The following RIMS2 variants were observed in gnomAD, a reference collection of about 807,000 sequenced individuals.
RIMS2 encodes the protein regulating synaptic membrane exocytosis protein 2.
RIMS2 carries 59 observed loss-of-function variants against 174.4 expected under a neutral mutation model. The observed-to-expected ratio is 0.34, with a 90% confidence interval of 0.27 to 0.42. The LOEUF (loss-of-function observed/expected upper bound fraction) is 0.42. Ranked by LOEUF, RIMS2 falls within the 10% of genes least tolerant of loss-of-function variation. RIMS2 has a pLI of 1.00. For missense variants in RIMS2, 1,620 were observed against 1,666.3 expected (o/e 0.97, Z 0.48); for synonymous variants, 606 against 572.5 (o/e 1.06, Z -0.84).
At chr8:103,787,301 T>C (rs1373998291) in intron 3 of RIMS2, among the ~76,000 whole-genome samples, 1 of 152,120 alleles carries the variant, frequency 6.6e-6, no homozygotes, top group East Asian at 1.9e-4. Flanking sequence ...TGTGTGAATC[T>C]GATCTTGTCG....
intron 1 of RIMS2, among the ~76,000 whole-genome samples, chr8:103,512,293 C>G (rs953781802): frequency 6.6e-6 from 1 of 152,174 alleles, no homozygotes. Flanking sequence ...AGTCCAGATT[C>G]ACTATCACAA....
intron 10 of RIMS2, among the ~76,000 whole-genome samples, chr8:103,924,700 T>G (rs1342578977): frequency 6.6e-6 from 1 of 151,684 alleles, no homozygotes; most frequent in Non-Finnish European, 1.5e-5. Context: ...TTCTGTCAGT[T>G]CATGTCTCAA....
chr8:103,698,210 C>T (rs900857317), intron 2 of RIMS2, among the ~76,000 whole-genome samples: 4 of 152,114 alleles, frequency 2.6e-5, no homozygotes, highest in Non-Finnish European at 5.9e-5. Context: ...ATAATTGTTT[C>T]CCCTGGATTA....
At chr8:103,964,873 A>G (rs1281216558) in intron 15 of RIMS2, among the ~76,000 whole-genome samples, 2 of 148,160 alleles carry the variant, frequency 1.3e-5, no homozygotes, top group Admixed American at 6.6e-5. Flanking sequence ...TTGCATGTGG[A>G]CATCCAATTG....
chr8:104,001,990 A>C, intron 17 of RIMS2, among the ~76,000 whole-genome samples: 1 of 152,018 alleles, frequency 6.6e-6, no homozygotes, highest in East Asian at 1.9e-4. Context: ...GAGTAATGTC[A>C]GCATTTACCT....
intron 2 of RIMS2, among the ~76,000 whole-genome samples, chr8:103,748,519 C>A (rs2097848487): frequency 6.6e-6 from 1 of 152,012 alleles, no homozygotes; most frequent in Non-Finnish European, 1.5e-5. Flanking sequence ...AGCTTTATAC[C>A]CTCAACTTTT....
chr8:103,530,013 T>G (rs1563659299), intron 1 of RIMS2, among the ~76,000 whole-genome samples: 2 of 152,084 alleles, frequency 1.3e-5, no homozygotes, highest in Non-Finnish European at 2.9e-5. Flanking sequence ...GAGAAAGGAA[T>G]GAGGAAAGAT....
At chr8:103,586,478 C>A (rs1270883211) in intron 1 of RIMS2, among the ~76,000 whole-genome samples, 1 of 151,996 alleles carries the variant, frequency 6.6e-6, no homozygotes, top group East Asian at 1.9e-4. Context: ...GGAAATTAAA[C>A]AATGTGCTTT....
chr8:103,771,611 A>AT (rs1181983481), intron 3 of RIMS2, among the ~76,000 whole-genome samples: 1 of 151,928 alleles, frequency 6.6e-6, no homozygotes, highest in Admixed American at 6.6e-5. Flanking sequence ...CTAGATGTTT[A>AT]TTTTTTTCTC....
intron 3 of RIMS2, among the ~76,000 whole-genome samples, chr8:103,825,840 A>T (rs1390838688): frequency 6.6e-6 from 1 of 152,124 alleles, no homozygotes; most frequent in Non-Finnish European, 1.5e-5. Context: ...ACTTATCTAC[A>T]GTTTTTAAGT....
intron 19 of RIMS2, among the ~76,000 whole-genome samples, chr8:104,121,596 A>G (rs1481091992): frequency 6.6e-6 from 1 of 152,240 alleles, no homozygotes; most frequent in African/African-American, 2.4e-5. Flanking sequence ...AGGTTTTGGT[A>G]TTTGATTGAG....
intron 3 of RIMS2, among the ~76,000 whole-genome samples, chr8:103,868,072 AGACATCTTTTGTAGTGCTAGG>A (rs2099092090): frequency 1.3e-5 from 2 of 152,042 alleles, no homozygotes; most frequent in Admixed American, 6.6e-5. Flanking sequence ...AACATTTATT[AGACATCTTTTGTAGTGCTAGG>A]GATAATTTTC....
chr8:103,886,226 A>C lies in RIMS2; in HGVS notation c.1624+3A>C. The C allele has an allele frequency of 6.2e-7, 1 of 1,601,012 alleles. No homozygotes were observed. Among genetic ancestry groups the C allele is most frequent in the Non-Finnish European group, 8.5e-7 (1 of 1,174,220 alleles). On this transcript the variant is annotated splice_donor_region_variant and intron_variant, in intron 4 of 23. Transcript: ENST00000504942. Reference sequence around the variant, plus strand: ...AAGTGAGAGTGTAAGTGAAAAAGGTAAGCTTTCTAATCATACATTTTGCTG... The same window carrying C: ...AAGTGAGAGTGTAAGTGAAAAAGGTCAGCTTTCTAATCATACATTTTGCTG...
chr8:103,953,444 A>G (rs1175014487), intron 14 of RIMS2, among the ~76,000 whole-genome samples: 6 of 152,232 alleles, frequency 3.9e-5, no homozygotes, highest in Admixed American at 3.3e-4. Flanking sequence ...GGGGGCCAAT[A>G]TTCAACATTC....
intron 19 of RIMS2, among the ~76,000 whole-genome samples, chr8:104,148,353 T>A (rs1262285029): frequency 6.6e-6 from 1 of 152,152 alleles, no homozygotes; most frequent in Non-Finnish European, 1.5e-5. Flanking sequence ...TTTTTTCCTG[T>A]GATCATGCAA....
At chr8:103,607,513 C>T (rs919242169) in intron 1 of RIMS2, among the ~76,000 whole-genome samples, 5 of 150,332 alleles carry the variant, frequency 3.3e-5, no homozygotes, top group African/African-American at 9.9e-5. Flanking sequence ...ATCTTTGTGT[C>T]GTTCTCTGTT....
chr8:103,766,399 C>T lies in RIMS2; in HGVS notation c.560C>T (p.Thr187Ile), dbSNP rs61729653. 1,241 of 1,613,780 alleles carry T rather than the reference C, an allele frequency of 7.7e-4. 7 individuals are homozygous for T. The African/African-American group carries it at 0.015, about 20-fold the overall frequency. ...AAGAAACCAAAACTACATGAGCAGA[C>T]CCAGTTCCAAGGACCCTCAGGTGAC... Residue 187 changes from threonine to isoleucine, a missense_variant, in exon 3 of 24, where the codon ACC becomes ATC. Around this residue, in one of 2 missense-constraint regions of RIMS2, gnomAD observed 1,395 missense variants for 1,360.1 expected, o/e 1.03. Transcript: ENST00000504942.
At chr8:103,876,853 C>T (rs1444558205) in intron 3 of RIMS2, among the ~76,000 whole-genome samples, 1 of 114,124 alleles carries the variant, frequency 8.8e-6, no homozygotes, top group African/African-American at 3.0e-5. Context: ...TATATACACA[C>T]ACACACTATT....
At chr8:104,059,001 G>A (rs1310196797) in intron 19 of RIMS2, among the ~76,000 whole-genome samples, 14 of 151,672 alleles carry the variant, frequency 9.2e-5, no homozygotes, top group South Asian at 6.3e-4. Context: ...GTCAGGTAAC[G>A]TGATGCCTCC....
Sources: allele counts gnomAD v4.1 joint callset (sites outside exome capture counted in the v4.1 genomes callset), GRCh38; gene constraint gnomAD v4.1.1; regional missense constraint gnomAD v4.1.1; transcripts MANE v1.5; gene names NCBI Gene and HGNC (gene_info 2026-07-23, HGNC 2026-07-21).